Variants in AGBL4 observed in about 807,000 individuals in gnomAD.
AGBL4 encodes the protein AGBL carboxypeptidase 4.
In AGBL4, 58 loss-of-function variants were observed where a neutral mutation model predicts 66.4. That is an observed-to-expected ratio of 0.87 (90% CI 0.71 to 1.09). The LOEUF (loss-of-function observed/expected upper bound fraction) is 1.09. AGBL4 is among the 50% of genes least tolerant of loss of function. AGBL4 has a pLI of 0.00. For synonymous variants in AGBL4, 234 were observed against 222.9 expected (o/e 1.05, Z -0.44); for missense variants, 579 against 631.0 (o/e 0.92, Z 0.88).
At chr1:48,927,795 C>A (rs2148899387) in intron 5 of AGBL4, among the ~76,000 whole-genome samples, 1 of 152,258 alleles carries the variant, frequency 6.6e-6, no homozygotes, top group Admixed American at 6.5e-5. Context: ...AGGCTCAATG[C>A]TAGGATTCAA....
In AGBL4 at chr1:49,237,512, T is replaced by TTTTATA. The variant is rs1650858245; in HGVS notation, c.377+8257_377+8258insTATAAA. On this transcript the variant is annotated intron_variant, in intron 4 of 13. Coordinates refer to ENST00000371839, the MANE Select transcript of AGBL4 (RefSeq NM_032785.4). ...CATCCTTTTTTTCCTCAATATTACA[T>TTTTATA]TATATATATATATATATATATATAT... is the stretch of plus-strand genomic sequence containing the variant. Among the ~76,000 whole-genome samples the TTTTATA allele has an allele frequency of 5.3e-3, 12 of 2,284 alleles. 1 individual carries two copies. Among genetic ancestry groups the TTTTATA allele is most frequent in the African/African-American group, 0.01 (11 of 1,092 alleles). 1.5% of individuals were successfully genotyped at this position (2,284 alleles called of 152,430 possible).
rs548631268 is a variant in AGBL4, at chr1:49,744,851, T to C, written c.158-47414A>G. ...ATACTGTTAAAACTTAAGTTGCTATTAATTTGAACTGTATTTTATCTGTTA... is the reference window on the plus strand; with the variant it reads ...ATACTGTTAAAACTTAAGTTGCTATCAATTTGAACTGTATTTTATCTGTTA... On this transcript the variant is annotated intron_variant, in intron 2 of 13. Transcript: ENST00000371839. Among the ~76,000 whole-genome samples the C allele has an allele frequency of 5.3e-5, 8 of 152,230 alleles. No homozygotes were observed. In the South Asian group the frequency reaches 1.0e-3, roughly 20 times the overall value.
chr1:48,961,858 A>G (rs1038076975), intron 5 of AGBL4, among the ~76,000 whole-genome samples: 2 of 152,238 alleles, frequency 1.3e-5, no homozygotes, highest in Non-Finnish European at 2.9e-5. Context: ...GCCACCTGAC[A>G]GTCACTTACA....
intron 3 of AGBL4, among the ~76,000 whole-genome samples, chr1:49,584,463 C>A (rs1490062542): frequency 6.6e-6 from 1 of 152,096 alleles, no homozygotes; most frequent in Non-Finnish European, 1.5e-5. Flanking sequence ...TGAGGTATTA[C>A]ACGTCATCTT....
intron 5 of AGBL4, among the ~76,000 whole-genome samples, chr1:48,997,472 C>T (rs949129388): frequency 3.6e-4 from 55 of 152,212 alleles, no homozygotes; most frequent in African/African-American, 1.2e-3. Context: ...CCATTTGATT[C>T]CATATTCTTA....
At chr1:49,204,101 C>T (rs1647939429) in intron 4 of AGBL4, among the ~76,000 whole-genome samples, 1 of 152,014 alleles carries the variant, frequency 6.6e-6, no homozygotes, top group Non-Finnish European at 1.5e-5. Flanking sequence ...TCAAATAGAA[C>T]AGCTTGAATA....
intron 3 of AGBL4, among the ~76,000 whole-genome samples, chr1:49,323,723 T>C (rs1570434957): frequency 6.6e-6 from 1 of 150,386 alleles, no homozygotes; most frequent in East Asian, 2.0e-4. Flanking sequence ...GAGCCAAGAT[T>C]GCACCACTGC....
intron 5 of AGBL4, among the ~76,000 whole-genome samples, chr1:48,908,935 T>C (rs993286043): frequency 2.0e-5 from 3 of 152,200 alleles, no homozygotes; most frequent in African/African-American, 7.2e-5. Flanking sequence ...GCCTTTTTTT[T>C]TTTTCAGGAC....
rs749081465 is a variant in AGBL4 at position 49,230,817 on chromosome 1, T to C, written c.377+14953A>G. 2.0e-5 allele frequency among the ~76,000 whole-genome samples: 3 copies of C among 152,170 alleles called. No individual in the cohort carries two copies. The East Asian group carries it at 5.8e-4, about 29-fold the overall frequency. Reference sequence around the variant, plus strand: ...TAATGTGCTATTTTGTGAGCTTATGTTTTTTCCTCCCCACCTCCAACTCCC... The same window carrying C: ...TAATGTGCTATTTTGTGAGCTTATGCTTTTTCCTCCCCACCTCCAACTCCC... On this transcript the variant is annotated intron_variant, in intron 4 of 13. Coordinates refer to ENST00000371839, the MANE Select transcript of AGBL4 (RefSeq NM_032785.4).
At chr1:49,547,282 T>C (rs1002128028) in intron 3 of AGBL4, among the ~76,000 whole-genome samples, 10 of 152,216 alleles carry the variant, frequency 6.6e-5, no homozygotes, top group African/African-American at 2.2e-4. Context: ...CTTTATGTTT[T>C]TGTTTGCTTT....
At chr1:49,969,605 A>C (rs1026945742) in intron 1 of AGBL4, among the ~76,000 whole-genome samples, 1 of 152,184 alleles carries the variant, frequency 6.6e-6, no homozygotes, top group African/African-American at 2.4e-5. Flanking sequence ...TCATTTATGA[A>C]GTATGAGTTT....
At chr1:49,928,864 C>T (rs971355078) in intron 1 of AGBL4, among the ~76,000 whole-genome samples, 2 of 151,856 alleles carry the variant, frequency 1.3e-5, no homozygotes, top group African/African-American at 2.4e-5. Context: ...ACACATGCAC[C>T]CATATGTTCA....
chr1:48,603,387 T>C (rs1645104765), intron 9 of AGBL4, among the ~76,000 whole-genome samples: 1 of 152,152 alleles, frequency 6.6e-6, no homozygotes, highest in Non-Finnish European at 1.5e-5. Flanking sequence ...GGAGAATTGC[T>C]TGAACCAGGG....
At chr1:49,977,700 T>C (rs1006725276) in intron 1 of AGBL4, among the ~76,000 whole-genome samples, 4 of 152,244 alleles carry the variant, frequency 2.6e-5, no homozygotes, top group South Asian at 2.1e-4. Flanking sequence ...ACATTTATTT[T>C]ATTTCTATTG....
intron 1 of AGBL4, among the ~76,000 whole-genome samples, chr1:49,948,472 A>AATATATATAAATAAAAATATATAAAAAT (rs1373735952): frequency 9.3e-4 from 116 of 124,424 alleles, no homozygotes; most frequent in African/African-American, 3.3e-3. Flanking sequence ...TAAATATATA[A>AATATATATAAATAAAAATATATAAAAAT]ATATATAAAT....
chr1:49,814,801 G>A (rs1278023114), intron 2 of AGBL4, among the ~76,000 whole-genome samples: 1 of 152,092 alleles, frequency 6.6e-6, no homozygotes, highest in Non-Finnish European at 1.5e-5. Context: ...GAAATAAATG[G>A]CAGAAATCAC....
intron 4 of AGBL4, among the ~76,000 whole-genome samples, chr1:49,112,953 A>T (rs1046265161): frequency 3.7e-4 from 52 of 142,274 alleles, no homozygotes; most frequent in Admixed American, 2.6e-3. Context: ...CTTCTTTTTA[A>T]TTTTTTTTTT....
At chr1:49,846,949 C>T (rs772874048) in intron 2 of AGBL4, among the ~76,000 whole-genome samples, 8 of 152,128 alleles carry the variant, frequency 5.3e-5, no homozygotes, top group Non-Finnish European at 1.0e-4. Context: ...ATATTGTACC[C>T]AAAGGAGCCC....
At chr1:48,684,763 C>A (rs1646505681) in intron 6 of AGBL4, among the ~76,000 whole-genome samples, 1 of 152,024 alleles carries the variant, frequency 6.6e-6, no homozygotes, top group Admixed American at 6.5e-5. Context: ...ACTTTGAGAT[C>A]CTTATCCATT....
Sources: gnomAD v4.1 joint callset for allele counts (sites outside exome capture counted in the v4.1 genomes callset) on GRCh38, gnomAD v4.1.1 for gene constraint, MANE v1.5 for transcripts, NCBI Gene and HGNC (gene_info 2026-07-23, HGNC 2026-07-21) for gene names.